The following OSBPL8 variants were observed in gnomAD, a reference collection of about 807,000 sequenced individuals.
OSBPL8 encodes the protein oxysterol-binding protein-related protein 8.
OSBPL8 carries 59 observed loss-of-function variants against 125.5 expected under a neutral mutation model. That is an observed-to-expected ratio of 0.47 (90% CI 0.38 to 0.58). OSBPL8 has a LOEUF of 0.58. Among genes scored for constraint, OSBPL8 ranks in the 20% least tolerant of loss-of-function variants. The probability of loss-of-function intolerance (pLI) is 0.00; values close to 1 mark genes in which losing one functional copy is unlikely to be tolerated. For missense variants in OSBPL8, 758 were observed against 1,047.8 expected (o/e 0.72, Z 3.82); for synonymous variants, 330 against 338.9 (o/e 0.97, Z 0.29).
intron 3 of OSBPL8, among the ~76,000 whole-genome samples, chr12:76,458,190 T>C (rs984931185): frequency 2.0e-5 from 3 of 152,082 alleles, no homozygotes; most frequent in African/African-American, 7.2e-5. Context: ...GAAGATCGCT[T>C]GAGTCTAGGA....
chr12:76,399,531 T>C (rs570196757), intron 7 of OSBPL8, among the ~76,000 whole-genome samples: 15 of 152,356 alleles, frequency 9.8e-5, no homozygotes, highest in Middle Eastern at 3.4e-3. Flanking sequence ...CTTTCAATAA[T>C]ATACCAAGTA....
intron 1 of OSBPL8, among the ~76,000 whole-genome samples, chr12:76,496,458 C>T (rs1423248353): frequency 6.6e-6 from 1 of 151,710 alleles, no homozygotes; most frequent in Non-Finnish European, 1.5e-5. Flanking sequence ...ACAACCTCAA[C>T]CACCTGGGTG....
chr12:76,377,852 C>T (rs1156577055), intron 16 of OSBPL8, among the ~76,000 whole-genome samples: 2 of 152,002 alleles, frequency 1.3e-5, no homozygotes, highest in East Asian at 3.8e-4. Flanking sequence ...TTCATTTTTC[C>T]TCTTCTAAAA....
chr12:76,550,668 C>A (rs773113738), intron 1 of OSBPL8, among the ~76,000 whole-genome samples: 19 of 152,188 alleles, frequency 1.2e-4, no homozygotes, highest in Non-Finnish European at 2.4e-4. Context: ...CTGTCCTGGG[C>A]CGTGCGCAGC....
At chr12:76,455,645 C>T (rs1027533613) in intron 3 of OSBPL8, among the ~76,000 whole-genome samples, 7 of 152,108 alleles carry the variant, frequency 4.6e-5, no homozygotes, top group Non-Finnish European at 7.4e-5. Flanking sequence ...ACCAGAAAGC[C>T]CATGTTTCTA....
intron 1 of OSBPL8, among the ~76,000 whole-genome samples, chr12:76,521,997 G>T (rs936665540): frequency 6.6e-5 from 10 of 152,162 alleles, no homozygotes; most frequent in South Asian, 6.2e-4. Context: ...TAAATTTTTT[G>T]TCTGGAAATA....
chr12:76,554,806 G>A (rs1951047098), intron 1 of OSBPL8, among the ~76,000 whole-genome samples: 1 of 152,018 alleles, frequency 6.6e-6, no homozygotes, highest in Non-Finnish European at 1.5e-5. Context: ...TTTGAATATG[G>A]AAATTAGTAG....
Position 76,355,802 on chromosome 12 carries a change from A to AT in OSBPL8, c.*86dup. On this transcript the variant is annotated 3_prime_UTR_variant, in exon 24 of 24. Transcript: ENST00000261183. ...GTTTTTTTGTTTTCGGAATATTGTGATTTTTAATAAAGACCAAACCAACTT... is the reference window on the plus strand; with the variant it reads ...GTTTTTTTGTTTTCGGAATATTGTGATTTTTTAATAAAGACCAAACCAACTT... The AT allele has an allele frequency of 6.9e-7, 1 of 1,443,800 alleles. No individual in the cohort carries two copies. The highest frequency in any genetic ancestry group is 9.3e-7 in the Non-Finnish European group (1 of 1,072,406). 89.4% of individuals were successfully genotyped at this position (1,443,800 alleles called of 1,614,324 possible).
At chr12:76,365,726 G>T (rs369102343) in intron 21 of OSBPL8, among the ~76,000 whole-genome samples, 14 of 152,042 alleles carry the variant, frequency 9.2e-5, no homozygotes, top group East Asian at 3.8e-4. Context: ...ACTATTTGTG[G>T]GTTTTTCATA....
At chr12:76,536,060 T>G (rs554041482) in intron 1 of OSBPL8, among the ~76,000 whole-genome samples, 4 of 151,726 alleles carry the variant, frequency 2.6e-5, no homozygotes, top group South Asian at 2.1e-4. Flanking sequence ...GTAGTTTGGG[T>G]TTTTTTTAGT....
intron 4 of OSBPL8, among the ~76,000 whole-genome samples, chr12:76,432,000 A>C (rs1870889725): frequency 6.6e-6 from 1 of 152,190 alleles, no homozygotes; most frequent in African/African-American, 2.4e-5. Flanking sequence ...AGTCTTAAAA[A>C]ATTTAAAAGA....
intron 1 of OSBPL8, among the ~76,000 whole-genome samples, chr12:76,503,918 G>T (rs547273430): frequency 2.0e-4 from 31 of 152,138 alleles, no homozygotes; most frequent in African/African-American, 7.5e-4. Context: ...TTCATTTTAT[G>T]TGTCAATTTG....
chr12:76,374,430 T>C lies in OSBPL8; in HGVS notation c.1827+843A>G, dbSNP rs372642580. ...GGTGGTCTTACAATTCTCCAAATAA[T>C]AGAAGATGGTGGAAGTGATATAATT... On this transcript the variant is annotated intron_variant, in intron 17 of 23. Transcript: ENST00000261183. 9.2e-5 allele frequency among the ~76,000 whole-genome samples: 14 copies of C among 152,158 alleles called. No individual in the cohort carries two copies. In the East Asian group the frequency reaches 1.4e-3, roughly 15 times the overall value.
intron 2 of OSBPL8, among the ~76,000 whole-genome samples, chr12:76,469,981 T>C (rs1199569768): frequency 6.6e-6 from 1 of 152,200 alleles, no homozygotes. Flanking sequence ...CCAAATTCCA[T>C]CACTAAGAAT....
At chr12:76,397,028 TG>T (rs1953836734) in intron 8 of OSBPL8, among the ~76,000 whole-genome samples, 1 of 151,984 alleles carries the variant, frequency 6.6e-6, no homozygotes, top group African/African-American at 2.4e-5. Context: ...TTGCCCAGGC[TG>T]GTCTCGAACT....
At chr12:76,408,434 T>C (rs36032110) in intron 5 of OSBPL8, among the ~76,000 whole-genome samples, 31,616 of 138,260 alleles carry the variant, frequency 0.23, 3,720 homozygotes, top group Non-Finnish European at 0.27. Flanking sequence ...TGTACTCCAG[T>C]CTGGGTGACA....
chr12:76,393,402 C>T (rs983926915), intron 9 of OSBPL8, among the ~76,000 whole-genome samples: 1 of 152,020 alleles, frequency 6.6e-6, no homozygotes, highest in African/African-American at 2.4e-5. Flanking sequence ...AAAGCTCATA[C>T]CTATATTTTA....
intron 1 of OSBPL8, among the ~76,000 whole-genome samples, chr12:76,551,042 ACT>A (rs1325027138): frequency 3.9e-5 from 6 of 151,964 alleles, no homozygotes; most frequent in Non-Finnish European, 5.9e-5. Flanking sequence ...ACAGGAGGAG[ACT>A]CTGTCACTCA....
chr12:76,543,716 G>A (rs1046485880), intron 1 of OSBPL8, among the ~76,000 whole-genome samples: 1 of 152,030 alleles, frequency 6.6e-6, no homozygotes, highest in African/African-American at 2.4e-5. Flanking sequence ...CTTAGCCATG[G>A]ATAACCACAA....
Sources: gnomAD v4.1 joint callset for allele counts (sites outside exome capture counted in the v4.1 genomes callset) on GRCh38, gnomAD v4.1.1 for gene constraint, MANE v1.5 for transcripts, NCBI Gene and HGNC (gene_info 2026-07-23, HGNC 2026-07-21) for gene names.